Variants in CORIN observed in about 807,000 individuals in gnomAD.
CORIN encodes corin, serine peptidase, also known as atrial natriuretic peptide-converting enzyme.
A neutral mutation model predicts 125.3 loss-of-function variants in CORIN; 117 were observed. The observed-to-expected ratio is 0.93, with a 90% CI of 0.80 to 1.09. The LOEUF (loss-of-function observed/expected upper bound fraction) is 1.09. CORIN is among the 50% of genes least tolerant of loss of function. CORIN has a pLI of 0.00. For synonymous variants in CORIN, 450 were observed against 466.4 expected (o/e 0.96, Z 0.45); for missense variants, 1,253 against 1,306.7 (o/e 0.96, Z 0.63).
rs142540188 is a variant in CORIN, at chr4:47,827,311, G to A, written c.63+10576C>T. Among the ~76,000 whole-genome samples, 820 of 152,134 alleles carry A rather than the reference G, an allele frequency of 5.4e-3. 6 individuals are homozygous for A. Among genetic ancestry groups the A allele is most frequent in the African/African-American group, 0.019 (776 of 41,508 alleles). On this transcript the variant is annotated intron_variant, in intron 1 of 21. Coordinates refer to ENST00000273857, the MANE Select transcript of CORIN (RefSeq NM_006587.4). ...TAGGGATATGCACAACTAGATAAGC[G>A]TAACAATAAAAAAAATACATTTATC...
chr4:47,834,616 AAATAAT>A (rs1250698831), intron 1 of CORIN, among the ~76,000 whole-genome samples: 5 of 152,200 alleles, frequency 3.3e-5, no homozygotes, highest in African/African-American at 9.7e-5. Context: ...CCTTATAACA[AAATAAT>A]AATAACAATA....
chr4:47,835,560 C>A (rs749526549), intron 1 of CORIN, among the ~76,000 whole-genome samples: 3 of 152,166 alleles, frequency 2.0e-5, no homozygotes, highest in Non-Finnish European at 4.4e-5. Flanking sequence ...AAAGTACAGG[C>A]TTTTGAAAGT....
At chr4:47,798,117 C>A (rs1311328632) in intron 2 of CORIN, among the ~76,000 whole-genome samples, 2 of 152,146 alleles carry the variant, frequency 1.3e-5, no homozygotes, top group African/African-American at 2.4e-5. Context: ...AACTAAACAA[C>A]CTTTGTAGCT....
intron 5 of CORIN, among the ~76,000 whole-genome samples, chr4:47,742,905 A>G (rs560216610): frequency 2.0e-5 from 3 of 152,250 alleles, no homozygotes; most frequent in African/African-American, 7.2e-5. Context: ...TATTCTGTCA[A>G]TTAGAGGGTT....
chr4:47,648,875 G>A (rs534166473), intron 13 of CORIN, among the ~76,000 whole-genome samples: 2 of 152,300 alleles, frequency 1.3e-5, no homozygotes, highest in East Asian at 1.9e-4. Context: ...TGACCTATAA[G>A]GAGCTGTAGC....
At position 47,707,401 on chromosome 4, in the gene CORIN, G is replaced by A. The variant is rs541341931; in HGVS notation, c.800-14318C>T. Among the ~76,000 whole-genome samples, 3 of 152,250 alleles carry A rather than the reference G, an allele frequency of 2.0e-5. No homozygotes were observed. The East Asian group carries it at 5.8e-4, about 29-fold the overall frequency. On this transcript the variant is annotated intron_variant, in intron 5 of 21. Transcript: ENST00000273857. Reference sequence around the variant, plus strand: ...AACTTCATAAAATGTGGTATAATTCGAAGGAATCCTGGGAGGTCTCTCTGC... The same window carrying A: ...AACTTCATAAAATGTGGTATAATTCAAAGGAATCCTGGGAGGTCTCTCTGC...
At chr4:47,809,396 CTT>C (rs374248975) in intron 1 of CORIN, among the ~76,000 whole-genome samples, 99 of 107,342 alleles carry the variant, frequency 9.2e-4, no homozygotes, top group African/African-American at 4.0e-3. Flanking sequence ...GAATTGATTG[CTT>C]TTTTTTTTTT....
chr4:47,766,634 A>G (rs940345789), intron 3 of CORIN, among the ~76,000 whole-genome samples: 1 of 152,142 alleles, frequency 6.6e-6, no homozygotes, highest in Non-Finnish European at 1.5e-5. Flanking sequence ...TAGAGAAGGC[A>G]TCATTATACT....
intron 1 of CORIN, among the ~76,000 whole-genome samples, chr4:47,812,665 C>A (rs562115838): frequency 6.6e-6 from 1 of 152,138 alleles, no homozygotes; most frequent in Non-Finnish European, 1.5e-5. Context: ...CAAATTTATT[C>A]CTGCTTCTTT....
intron 12 of CORIN, among the ~76,000 whole-genome samples, chr4:47,656,631 C>T (rs1723998209): frequency 6.6e-6 from 1 of 152,034 alleles, no homozygotes; most frequent in South Asian, 2.1e-4. Context: ...AGGAACATAG[C>T]TCAGCAAAAT....
chr4:47,595,513 C>A lies in CORIN; in HGVS notation c.*208G>T. ...CTTTGTTTGCTTTTGTAAAGTCTTT[C>A]ATTGAACTTGAAATAAGAGAAAAAT... On this transcript the variant is annotated 3_prime_UTR_variant, in exon 22 of 22. Coordinates refer to ENST00000273857, the MANE Select transcript of CORIN (RefSeq NM_006587.4). The A allele has an allele frequency of 3.2e-5, 11 of 348,896 alleles. No individual in the cohort carries two copies. The highest frequency in any genetic ancestry group is 6.8e-5 in the South Asian group (1 of 14,780). 21.6% of individuals were successfully genotyped at this position (348,896 alleles called of 1,614,324 possible). A position where few individuals can be genotyped will look rare whatever the true frequency, so the allele number is the denominator to read the frequency against.
chr4:47,706,605 T>C, intron 5 of CORIN: 2 of 1,604,450 alleles, frequency 1.2e-6, no homozygotes, highest in Non-Finnish European at 1.7e-6. Flanking sequence ...TTCCTAAGGG[T>C]GCAACTTACG....
intron 1 of CORIN, among the ~76,000 whole-genome samples, chr4:47,816,991 C>T (rs1732300598): frequency 6.6e-6 from 1 of 152,140 alleles, no homozygotes; most frequent in Admixed American, 6.5e-5. Context: ...ACGGTGTGGT[C>T]AGCTTGACTC....
At chr4:47,763,861 AC>A (rs1391610971) in intron 3 of CORIN, among the ~76,000 whole-genome samples, 1 of 151,612 alleles carries the variant, frequency 6.6e-6, no homozygotes, top group Non-Finnish European at 1.5e-5. Flanking sequence ...ACTGGCAATC[AC>A]CTTTTCTTTT....
chr4:47,752,518 G>A (rs1007727182), intron 4 of CORIN, among the ~76,000 whole-genome samples: 5 of 152,140 alleles, frequency 3.3e-5, no homozygotes, highest in African/African-American at 4.8e-5. Context: ...CTGCCCAAGA[G>A]GTGCCCTCCA....
intron 4 of CORIN, among the ~76,000 whole-genome samples, chr4:47,749,738 T>A (rs1229844393): frequency 6.6e-6 from 1 of 152,240 alleles, no homozygotes; most frequent in Admixed American, 6.5e-5. Flanking sequence ...TTTGATGTTC[T>A]ATTCATTGAC....
chr4:47,799,106 GGT>G (rs764434569), intron 2 of CORIN, among the ~76,000 whole-genome samples: 18,220 of 141,106 alleles, frequency 0.13, 1,136 homozygotes, highest in East Asian at 0.23. Context: ...TATCCCATGG[GGT>G]GTGTGTGTGT....
intron 5 of CORIN, among the ~76,000 whole-genome samples, chr4:47,738,442 A>G (rs1442954423): frequency 6.6e-6 from 1 of 152,216 alleles, no homozygotes; most frequent in African/African-American, 2.4e-5. Context: ...TTAGTTGACC[A>G]CTAGGCTGCT....
At chr4:47,752,707 C>A (rs1034179844) in intron 4 of CORIN, among the ~76,000 whole-genome samples, 1 of 152,062 alleles carries the variant, frequency 6.6e-6, no homozygotes, top group African/African-American at 2.4e-5. Flanking sequence ...AACAGATAAA[C>A]ACAGTTTGAA....
Sources: gnomAD v4.1 joint callset for allele counts (sites outside exome capture counted in the v4.1 genomes callset) on GRCh38, gnomAD v4.1.1 for gene constraint, MANE v1.5 for transcripts, NCBI Gene and HGNC (gene_info 2026-07-23, HGNC 2026-07-21) for gene names.